EGFL6: variants seen among roughly 807,000 people sequenced by gnomAD.
The protein encoded by EGFL6 is epidermal growth factor-like protein 6.
A neutral mutation model predicts 43.1 loss-of-function variants in EGFL6; 42 were observed. The ratio of observed to expected loss-of-function variants is 0.98; its 90% CI spans 0.76 to 1.26. The LOEUF (loss-of-function observed/expected upper bound fraction) is 1.26, where lower values mean the gene tolerates loss of function less well. Among genes scored for constraint, EGFL6 ranks in the 50% most tolerant of loss-of-function variants. The pLI, the probability that EGFL6 is intolerant of heterozygous loss-of-function variation, is 0.00. For synonymous variants in EGFL6, 164 were observed against 163.2 expected, an observed-to-expected ratio of 1.01 and a Z score of -0.04; for missense variants, 429 against 427.8, an observed-to-expected ratio of 1.00 and a Z score of -0.02.
chrX:13,619,096 G>A, intron 8 of EGFL6, 67 bp from the exon 9 acceptor site: 1 of 864,134 alleles, frequency 1.2e-6, no homozygotes, highest in Non-Finnish European at 1.7e-6. Context: ...TTGGTCATTT[G>A]ATTGATACCT....
intron 2 of EGFL6, 48 bp from the exon 3 acceptor site, chrX:13,594,787 TA>T: frequency 8.7e-7 from 1 of 1,144,643 alleles, no homozygotes; most frequent in Non-Finnish European, 1.2e-6. Flanking sequence ...TGCATTTCAC[TA>T]CACTAACTAC....
intron 5 of EGFL6, among the ~76,000 whole-genome samples, chrX:13,605,403 T>A (rs1293029408): frequency 9.3e-6 from 1 of 107,996 alleles, no homozygotes; most frequent in Admixed American, 9.9e-5. Flanking sequence ...GGAGACCCCA[T>A]TTCTACAAAA....
Position 13,603,215 on chromosome X carries a change from G to T in EGFL6, c.401-102G>T, listed in dbSNP as rs968362296. 20 of 926,615 alleles carry T rather than the reference G, an allele frequency of 2.2e-5. No individual in the cohort carries two copies. The African/African-American group carries it at 3.4e-4, about 16-fold the overall frequency. 76.4% of individuals were successfully genotyped at this position (926,615 alleles called of 1,213,427 possible). ...AATGAAACTTGTCCTATAATGCCAT[G>T]CAACGTGTTCCATTCAATGGCTCAG... On this transcript the variant is annotated intron_variant, in intron 4 of 11. Coordinates refer to ENST00000361306, the MANE Select transcript of EGFL6 (RefSeq NM_015507.4).
intron 9 of EGFL6, among the ~76,000 whole-genome samples, chrX:13,621,357 G>A (rs2045747626): frequency 9.0e-6 from 1 of 111,726 alleles, no homozygotes; most frequent in Non-Finnish European, 1.9e-5. Flanking sequence ...AGGAGGCTGG[G>A]GCATATATAT....
At chrX:13,632,555 C>T (rs931264153) in intron 11 of EGFL6, among the ~76,000 whole-genome samples, 2 of 110,005 alleles carry the variant, frequency 1.8e-5, no homozygotes, top group Non-Finnish European at 3.8e-5. Context: ...CCGCCCGCCT[C>T]GGCCTCCCAA....
Position 13,606,500 on chromosome X carries a change from A to G in EGFL6, c.642A>G (p.Arg214=), listed in dbSNP as rs1337020929. ...IGFELQYISG[R]YDCIDINECT... ...TCGAACTGCAATATATCAGTGGACG[A>G]TATGACTGTATAGGTAAGATTCGAT... Residue 214 remains arginine (R), a synonymous_variant, in exon 6 of 12, where the codon CGA becomes CGG. Coordinates refer to ENST00000361306, the MANE Select transcript of EGFL6 (RefSeq NM_015507.4). 1 of 1,209,621 alleles carries G rather than the reference A, an allele frequency of 8.3e-7. No homozygotes were observed. Among genetic ancestry groups the G allele is most frequent in the Non-Finnish European group, 1.1e-6 (1 of 894,825 alleles).
At chrX:13,578,615 T>C (rs1296508336) in intron 1 of EGFL6, among the ~76,000 whole-genome samples, 1 of 110,853 alleles carries the variant, frequency 9.0e-6, no homozygotes, top group Non-Finnish European at 1.9e-5. Flanking sequence ...AATGATGAGT[T>C]CATATCCTTT....
intron 1 of EGFL6, among the ~76,000 whole-genome samples, chrX:13,582,485 A>G (rs1278665364): frequency 9.0e-6 from 1 of 111,615 alleles, no homozygotes; most frequent in East Asian, 2.8e-4. Context: ...TGAGAAAGGA[A>G]TTCCTTACAG....
At chrX:13,613,157 CAT>C (rs35293457) in intron 7 of EGFL6, among the ~76,000 whole-genome samples, 80 of 89,330 alleles carry the variant, frequency 9.0e-4, no homozygotes, top group East Asian at 5.1e-3. Context: ...TAAATATATA[CAT>C]ATATATATAT....
At chrX:13,627,835 A>G (rs2045790056) in intron 11 of EGFL6, among the ~76,000 whole-genome samples, 1 of 111,942 alleles carries the variant, frequency 8.9e-6, no homozygotes, top group Middle Eastern at 4.6e-3. Flanking sequence ...AGGAGAGACC[A>G]GGCAGAGGCT....
At chrX:13,600,735 T>TA (rs61660775) in intron 4 of EGFL6, among the ~76,000 whole-genome samples, 5,003 of 50,365 alleles carry the variant, frequency 0.099, 449 homozygotes, top group African/African-American at 0.3. Context: ...CTGTCTCTAC[T>TA]AAAAAAAAAA....
rs375825102 is a variant in EGFL6 at position 13,633,355 on chromosome X, A to G, written c.*260A>G. On this transcript the variant is annotated 3_prime_UTR_variant, in exon 12 of 12. Transcript: ENST00000361306. ...AAATGTCAGTTTATCTCCCCTCCTC[A>G]GTATATCTGATTTGTATAAGTAAGT... is the stretch of plus-strand genomic sequence containing the variant. The G allele has an allele frequency of 4.0e-6, 1 of 246,957 alleles. No homozygotes were observed. The highest frequency in any genetic ancestry group is 7.0e-6 in the Non-Finnish European group (1 of 142,373). The allele number at this position is 246,957 out of a possible 1,213,427, so 20.4% of individuals were successfully genotyped here.
intron 7 of EGFL6, among the ~76,000 whole-genome samples, chrX:13,612,974 G>A (rs1020717595): frequency 4.6e-5 from 5 of 108,436 alleles, no homozygotes; most frequent in South Asian, 4.0e-4. Context: ...GTAAAACCCC[G>A]CCTCTACTAA....
At chrX:13,624,611 A>T (rs1054791327) in intron 10 of EGFL6, among the ~76,000 whole-genome samples, 2 of 111,795 alleles carry the variant, frequency 1.8e-5, no homozygotes, top group African/African-American at 6.5e-5. Flanking sequence ...TTAGAGCACA[A>T]ATTGAATCTC....
At chrX:13,583,665 G>A (rs1463512360) in intron 1 of EGFL6, among the ~76,000 whole-genome samples, 1 of 112,080 alleles carries the variant, frequency 8.9e-6, no homozygotes, top group African/African-American at 3.2e-5. Flanking sequence ...ATCTAAGGTT[G>A]CTTTCTTTAA....
Position 13,617,891 on chromosome X carries a change from C to A in EGFL6, c.940C>A (p.Gln314Lys), listed in dbSNP as rs200948224. The change falls in exon 8 of 12, where the codon CAG becomes AAG. Residue 314 changes from glutamine (Q) to lysine (K), a missense_variant. Coordinates refer to ENST00000361306, the MANE Select transcript of EGFL6 (RefSeq NM_015507.4). The part of the protein sequence containing the change: ...TRTPTPKVNL[Q>K]PFNYEEIVSR... Reference sequence around the variant, plus strand: ...GACTCCTACCCCTAAGGTGAACTTGCAGCCCTTCAACTATGAAGAGATAGT... The same window carrying A: ...GACTCCTACCCCTAAGGTGAACTTGAAGCCCTTCAACTATGAAGAGATAGT... 8.3e-7 allele frequency: 1 copy of A among 1,209,252 alleles called. No homozygotes were observed. The highest frequency in any genetic ancestry group is 1.1e-6 in the Non-Finnish European group (1 of 895,115).
intron 1 of EGFL6, among the ~76,000 whole-genome samples, chrX:13,583,214 A>T (rs1437153386): frequency 9.1e-6 from 1 of 110,315 alleles, no homozygotes; most frequent in Admixed American, 9.6e-5. Flanking sequence ...CCAACTCCCC[A>T]TGTTCTTAAT....
At chrX:13,580,318 A>C (rs2045498573) in intron 1 of EGFL6, among the ~76,000 whole-genome samples, 1 of 111,634 alleles carries the variant, frequency 9.0e-6, no homozygotes, top group African/African-American at 3.3e-5. Context: ...TCATGTCTTC[A>C]AAATGTGAAT....
At chrX:13,615,193 AT>A (rs2045712000) in intron 7 of EGFL6, among the ~76,000 whole-genome samples, 1 of 112,776 alleles carries the variant, frequency 8.9e-6, no homozygotes, top group African/African-American at 3.2e-5. Context: ...ATTAAAGTGC[AT>A]TTTTATCCTT....
Sources: gnomAD v4.1 joint callset for allele counts (sites outside exome capture counted in the v4.1 genomes callset) on GRCh38, gnomAD v4.1.1 for gene constraint, MANE v1.5 for transcripts, NCBI Gene and HGNC (gene_info 2026-07-23, HGNC 2026-07-21) for gene names.